ANKRD28: variants seen among roughly 807,000 people sequenced by gnomAD.
ANKRD28 encodes serine/threonine-protein phosphatase 6 regulatory ankyrin repeat subunit A.
In ANKRD28, 44 loss-of-function variants were observed where a neutral mutation model predicts 126.5. The ratio of observed to expected loss-of-function variants is 0.35; its 90% CI spans 0.27 to 0.45. The LOEUF (loss-of-function observed/expected upper bound fraction) is 0.45, where lower values mean the gene tolerates loss of function less well. Ranked by LOEUF, ANKRD28 falls within the 20% of genes least tolerant of loss-of-function variation. The pLI, the probability that ANKRD28 is intolerant of heterozygous loss-of-function variation, is 1.00. For missense variants in ANKRD28, 1,110 were observed against 1,316.6 expected (o/e 0.84, Z 2.43); for synonymous variants, 442 against 468.5 (o/e 0.94, Z 0.73).
At chr3:15,685,043 G>A (rs2067951571) in intron 21 of ANKRD28, 183 bp downstream of exon 21, 2 of 609,028 alleles carry the variant, frequency 3.3e-6, no homozygotes, top group Non-Finnish European at 5.8e-6. Context: ...TAGTGTCTTG[G>A]CTTTAGCATG....
chr3:15,737,276 T>C (rs140639430), intron 4 of ANKRD28, 43 bp from the exon 5 acceptor site: 18 of 1,530,862 alleles, frequency 1.2e-5, no homozygotes, highest in Middle Eastern at 3.4e-4. Flanking sequence ...GAGTTAAGAG[T>C]TTGAGAAATT....
chr3:15,806,884 A>C (rs1246444983), intron 1 of ANKRD28, among the ~76,000 whole-genome samples: 1 of 152,140 alleles, frequency 6.6e-6, no homozygotes, highest in African/African-American at 2.4e-5. Context: ...AATATTAAAC[A>C]CATTTGTTAA....
intron 6 of ANKRD28, among the ~76,000 whole-genome samples, chr3:15,734,832 C>T (rs965296307): frequency 1.2e-4 from 19 of 152,176 alleles, no homozygotes; most frequent in Non-Finnish European, 2.6e-4. Context: ...TGTGGTCACA[C>T]GGTTGCATAG....
intron 2 of ANKRD28, among the ~76,000 whole-genome samples, chr3:15,787,285 C>T (rs1198016745): frequency 6.6e-6 from 1 of 152,166 alleles, no homozygotes; most frequent in African/African-American, 2.4e-5. Context: ...ATAATACCTT[C>T]TTTGTTTCAG....
At chr3:15,727,732 T>A (rs888065655) in intron 6 of ANKRD28, among the ~76,000 whole-genome samples, 1 of 152,046 alleles carries the variant, frequency 6.6e-6, no homozygotes, top group African/African-American at 2.4e-5. Flanking sequence ...ACAGATGTGG[T>A]AGAAATAGCA....
chr3:15,772,761 A>C (rs1016585170), intron 2 of ANKRD28, among the ~76,000 whole-genome samples: 3 of 152,156 alleles, frequency 2.0e-5, no homozygotes, highest in Non-Finnish European at 4.4e-5. Context: ...ATCTCGGCTC[A>C]CTGCAACCTC....
chr3:15,852,741 A>G lies in ANKRD28; in HGVS notation c.27+6636T>C, dbSNP rs1313904606. 3.3e-5 allele frequency among the ~76,000 whole-genome samples: 5 copies of G among 151,514 alleles called. No individual in the cohort carries two copies. In the East Asian group the frequency reaches 7.8e-4, roughly 24 times the overall value. On this transcript the variant is annotated intron_variant, in intron 1 of 27. Coordinates refer to the ANKRD28 transcript ENST00000399451. ...CCAGCTATTTGGGAGGCTGAGAGAG[A>G]AGAATGGTATGAACCTGGGAGGTGG...
chr3:15,713,630 C>T lies in ANKRD28; in HGVS notation c.1087G>A (p.Asp363Asn), dbSNP rs748175399. Residue 363 changes from aspartate (D) to asparagine (N), a missense_variant, in exon 10 of 28, where the codon GAC becomes AAC. Transcript: ENST00000683139. ...GTATTTCCATTCTTATCCTCACAGT[C>T]GATTACAGCTCCTGCAATATAGGAC... ...QTIIQSGAVI[D>N]CEDKNGNTPL... 15 of 1,603,554 alleles carry T rather than the reference C, an allele frequency of 9.4e-6. No individual in the cohort carries two copies. The highest frequency in any genetic ancestry group is 3.3e-4 in the Middle Eastern group (2 of 6,038).
intron 2 of ANKRD28, among the ~76,000 whole-genome samples, chr3:15,773,221 C>A (rs2059101896): frequency 6.6e-6 from 1 of 150,698 alleles, no homozygotes; most frequent in African/African-American, 2.4e-5. Flanking sequence ...TTCTTACTAG[C>A]AATTAATAAG....
chr3:15,761,133 G>GT (rs2058435730), intron 3 of ANKRD28, among the ~76,000 whole-genome samples: 1 of 152,064 alleles, frequency 6.6e-6, no homozygotes, highest in African/African-American at 2.4e-5. Context: ...CAAAATTACA[G>GT]TAACTGACTA....
At chr3:15,683,776 C>T (rs1024391585) in intron 21 of ANKRD28, 8 of 152,178 alleles carry the variant, frequency 5.3e-5, no homozygotes, top group South Asian at 4.1e-4. Flanking sequence ...TATAATTTTA[C>T]AAGATTCAGC....
rs1331262461 is a variant in ANKRD28, at chr3:15,830,882, T to G, written c.27+28495A>C. On this transcript the variant is annotated intron_variant, in intron 1 of 27. Coordinates refer to the ANKRD28 transcript ENST00000399451. The surrounding 1 kb of genome is among the most constrained non-coding windows in gnomAD (Gnocchi z 4.5). ...AGACTAACATCAGCCACAGGTGTGG[T>G]CAACCATACCTATGTGACTGACTTC... is the stretch of plus-strand genomic sequence containing the variant. 6.6e-6 allele frequency among the ~76,000 whole-genome samples: 1 copy of G among 152,040 alleles called. No individual in the cohort carries two copies. The highest frequency in any genetic ancestry group is 6.5e-5 in the Admixed American group (1 of 15,268).
chr3:15,745,612 C>T (rs2057424756), intron 4 of ANKRD28, among the ~76,000 whole-genome samples: 1 of 152,080 alleles, frequency 6.6e-6, no homozygotes, highest in African/African-American at 2.4e-5. Context: ...GTGACTATGG[C>T]CTTATAGCAT....
chr3:15,859,701 C>T (rs917973332), exon 1 of ANKRD28: 11 of 156,832 alleles, frequency 7.0e-5, no homozygotes, highest in Admixed American at 2.6e-4. Context: ...TGCTGCCTGC[C>T]CTACCCGCCG....
chr3:15,845,004 C>G lies in ANKRD28; in HGVS notation c.27+14373G>C, dbSNP rs1023228698. 6.6e-6 allele frequency among the ~76,000 whole-genome samples: 1 copy of G among 152,106 alleles called. No individual in the cohort carries two copies. The highest frequency in any genetic ancestry group is 2.4e-5 in the African/African-American group (1 of 41,428). ...GCAAAGGAGAAGCAGGCATATCTTACATGGCTGGAGCAGGAGCAAAATGGG... is the reference window on the plus strand; with the variant it reads ...GCAAAGGAGAAGCAGGCATATCTTAGATGGCTGGAGCAGGAGCAAAATGGG... On this transcript the variant is annotated intron_variant, in intron 1 of 27. Transcript: ENST00000399451. This position sits in a 1 kb window ranked among gnomAD's most constrained non-coding sequence, Gnocchi z 4.9.
intron 2 of ANKRD28, among the ~76,000 whole-genome samples, chr3:15,769,389 T>C (rs1329945143): frequency 6.6e-6 from 1 of 152,236 alleles, no homozygotes; most frequent in Non-Finnish European, 1.5e-5. Context: ...TTCACCAAAA[T>C]GTATTAAAAT....
rs2060744946 is a variant in ANKRD28, at chr3:15,812,845, C to T, written c.28-17539G>A. On this transcript the variant is annotated intron_variant, in intron 1 of 27. Transcript: ENST00000399451. The surrounding 1 kb of genome is among the most constrained non-coding windows in gnomAD (Gnocchi z 4.1). ...GTAATCTAGACCCTCCTGAAAAGGC[C>T]AGGTAAAGATTCACAATCAGAGATT... Among the ~76,000 whole-genome samples, 1 of 151,968 alleles carries T rather than the reference C, an allele frequency of 6.6e-6. No homozygotes were observed. Among genetic ancestry groups the T allele is most frequent in the Admixed American group, 6.6e-5 (1 of 15,262 alleles).
intron 5 of ANKRD28, 75 bp downstream of exon 5, chr3:15,736,958 A>G: frequency 2.0e-6 from 3 of 1,494,122 alleles, no homozygotes; most frequent in Non-Finnish European, 2.8e-6. Flanking sequence ...TTACTATGCA[A>G]AAATGCAAGT....
intron 21 of ANKRD28, chr3:15,684,894 TGGGA>T (rs942413083): frequency 1.2e-5 from 3 of 251,088 alleles, no homozygotes; most frequent in African/African-American, 6.9e-5. Flanking sequence ...GAGGCTGAGG[TGGGA>T]GGATCACTTG....
Sources: gnomAD v4.1 joint callset for allele counts (sites outside exome capture counted in the v4.1 genomes callset) on GRCh38, gnomAD v4.1.1 for gene constraint, Gnocchi (gnomAD v3.1) non-coding constraint, MANE v1.5 for transcripts, NCBI Gene and HGNC (gene_info 2026-07-23, HGNC 2026-07-21) for gene names.